Variants in MEF2C observed in about 807,000 individuals in gnomAD.
MEF2C encodes the protein myocyte enhancer factor 2C.
In MEF2C, 6 loss-of-function variants were observed where a neutral mutation model predicts 50.5. The ratio of observed to expected loss-of-function variants is 0.12; its 90% CI spans 0.07 to 0.23. The LOEUF is 0.23. Ranked by LOEUF, MEF2C falls within the 10% of genes least tolerant of loss-of-function variation. MEF2C has a pLI of 1.00. For synonymous variants in MEF2C, 183 were observed against 228.0 expected (o/e 0.80, Z 1.78); for missense variants, 276 against 605.0 (o/e 0.46, Z 5.70).
intron 1 of MEF2C, among the ~76,000 whole-genome samples, chr5:88,866,490 T>C (rs1581753034): frequency 6.6e-6 from 1 of 152,320 alleles, no homozygotes; most frequent in East Asian, 1.9e-4. Flanking sequence ...AGTACGGCAA[T>C]ACTTTTATGA....
At chr5:88,889,706 G>A (rs904000895) in intron 1 of MEF2C, among the ~76,000 whole-genome samples, 1 of 152,150 alleles carries the variant, frequency 6.6e-6, no homozygotes, top group Admixed American at 6.5e-5. Flanking sequence ...TGCGTGATGG[G>A]CTCTGGGGAA....
intron 1 of MEF2C, chr5:88,903,779 C>T (rs2150357008): frequency 6.6e-6 from 1 of 152,114 alleles, no homozygotes; most frequent in Non-Finnish European, 1.5e-5. Context: ...CAAGGCAAAC[C>T]CACTGTTGAG....
intron 1 of MEF2C, among the ~76,000 whole-genome samples, chr5:88,826,177 T>C (rs1424460633): frequency 2.0e-5 from 3 of 151,914 alleles, no homozygotes; most frequent in Non-Finnish European, 4.4e-5. Flanking sequence ...TAAAAAAAAA[T>C]TTCTTAAAAC....
intron 3 of MEF2C, among the ~76,000 whole-genome samples, chr5:88,776,209 G>A (rs1251245294): frequency 6.6e-6 from 1 of 151,896 alleles, no homozygotes; most frequent in Admixed American, 6.6e-5. Context: ...AAAATTATTA[G>A]TAATATTATT....
chr5:88,902,708 C>A (rs1835790926), intron 1 of MEF2C, among the ~76,000 whole-genome samples: 1 of 151,726 alleles, frequency 6.6e-6, no homozygotes, highest in Non-Finnish European at 1.5e-5. Context: ...TTTATGGGAT[C>A]ATCAGAATAA....
At chr5:88,811,118 T>C (rs1217225822) in intron 2 of MEF2C, among the ~76,000 whole-genome samples, 1 of 152,226 alleles carries the variant, frequency 6.6e-6, no homozygotes, top group Non-Finnish European at 1.5e-5. Flanking sequence ...GAGGGTGACA[T>C]TTTAAGAAAG....
At chr5:88,864,471 G>A (rs1826586432) in intron 1 of MEF2C, among the ~76,000 whole-genome samples, 1 of 151,500 alleles carries the variant, frequency 6.6e-6, no homozygotes, top group Non-Finnish European at 1.5e-5. Context: ...AGTGGAACTT[G>A]GGCATTGGTG....
chr5:88,750,510 C>T (rs1230776017), intron 5 of MEF2C, among the ~76,000 whole-genome samples: 2 of 151,916 alleles, frequency 1.3e-5, no homozygotes, highest in East Asian at 1.9e-4. Context: ...ATCTGGCCTT[C>T]GTTACAGTTT....
chr5:88,796,168 A>T (rs1217484361), intron 3 of MEF2C, among the ~76,000 whole-genome samples: 1 of 152,160 alleles, frequency 6.6e-6, no homozygotes, highest in Non-Finnish European at 1.5e-5. Flanking sequence ...TGGGTTAGGG[A>T]GGAGTCCCTC....
intron 1 of MEF2C, among the ~76,000 whole-genome samples, chr5:88,860,607 C>A (rs1365997875): frequency 6.6e-6 from 1 of 152,160 alleles, no homozygotes; most frequent in African/African-American, 2.4e-5. Flanking sequence ...CCCAGCAGAG[C>A]TGCCCCGCTC....
intron 1 of MEF2C, among the ~76,000 whole-genome samples, chr5:88,902,037 TAAC>T (rs946380053): frequency 1.3e-4 from 20 of 151,764 alleles, no homozygotes; most frequent in African/African-American, 4.1e-4. Context: ...TGTGAAAACT[TAAC>T]AAATACAATT....
intron 6 of MEF2C, chr5:88,736,705 C>T (rs587490): frequency 0.56 from 555,340 of 984,956 alleles, 159,513 homozygotes; most frequent in East Asian, 0.59. Flanking sequence ...CTACTTCCAT[C>T]ATGTTCCTTT....
intron 6 of MEF2C, chr5:88,734,561 G>GTTTGTTTT (rs1763089389): frequency 3.5e-5 from 9 of 254,386 alleles, no homozygotes; most frequent in Non-Finnish European, 3.3e-5. Context: ...CTTGAGAAAA[G>GTTTGTTTT]TTTGTTTTTT....
At chr5:88,810,751 C>T (rs185686560) in intron 2 of MEF2C, among the ~76,000 whole-genome samples, 11 of 152,120 alleles carry the variant, frequency 7.2e-5, no homozygotes, top group African/African-American at 2.4e-4. Flanking sequence ...CAGTACTTTT[C>T]CCATCCCAGG....
intron 2 of MEF2C, among the ~76,000 whole-genome samples, chr5:88,809,200 A>AT (rs1801760646): frequency 6.6e-6 from 1 of 152,158 alleles, no homozygotes; most frequent in African/African-American, 2.4e-5. Context: ...CATACATCTT[A>AT]TGTTGATAAT....
chr5:88,800,759 G>A (rs769007928), intron 3 of MEF2C, among the ~76,000 whole-genome samples: 8 of 152,152 alleles, frequency 5.3e-5, no homozygotes, highest in Non-Finnish European at 7.3e-5. Context: ...TTGTCACAGA[G>A]TTAAGTAAAA....
intron 1 of MEF2C, among the ~76,000 whole-genome samples, chr5:88,891,352 C>T (rs1475739978): frequency 6.7e-6 from 1 of 149,622 alleles, no homozygotes; most frequent in Non-Finnish European, 1.5e-5. Context: ...TATGATATAA[C>T]TAGGATGGAA....
At chr5:88,839,799 A>G (rs1305778889) in intron 1 of MEF2C, among the ~76,000 whole-genome samples, 3 of 152,206 alleles carry the variant, frequency 2.0e-5, no homozygotes, top group East Asian at 3.9e-4. Flanking sequence ...AACAATAAGC[A>G]TAACAAAACC....
chr5:88,788,604 T>C (rs1387980430), intron 3 of MEF2C, among the ~76,000 whole-genome samples: 1 of 152,152 alleles, frequency 6.6e-6, no homozygotes, highest in African/African-American at 2.4e-5. Context: ...ACAATTATAT[T>C]TGGGAGCCAC....
Sources: gnomAD v4.1 joint callset for allele counts (sites outside exome capture counted in the v4.1 genomes callset) on GRCh38, gnomAD v4.1.1 for gene constraint, MANE v1.5 for transcripts, NCBI Gene and HGNC (gene_info 2026-07-23, HGNC 2026-07-21) for gene names.